Variants in LRRC4B observed in about 807,000 individuals in gnomAD.
LRRC4B encodes the protein leucine-rich repeat-containing protein 4B.
LRRC4B carries 1 observed loss-of-function variant against 7.3 expected under a neutral mutation model. The observed-to-expected ratio is 0.14, with a 90% CI of 0.05 to 0.65. The LOEUF is 0.65. LRRC4B is among the 30% of genes least tolerant of loss of function. The pLI, the probability that LRRC4B is intolerant of heterozygous loss-of-function variation, is 0.84. For missense variants in LRRC4B, 730 were observed against 1,041.6 expected (o/e 0.70, Z 4.12); for synonymous variants, 500 against 499.2 (o/e 1.00, Z -0.02).
intron 1 of LRRC4B, among the ~76,000 whole-genome samples, chr19:50,551,756 G>A (rs1325041232): frequency 6.6e-6 from 1 of 151,164 alleles, no homozygotes; most frequent in African/African-American, 2.4e-5. Context: ...CTGTCCGTCT[G>A]TCTTGGTCCC....
chr19:50,558,487 C>T (rs1568736804), intron 1 of LRRC4B, among the ~76,000 whole-genome samples: 1 of 152,326 alleles, frequency 6.6e-6, no homozygotes, highest in East Asian at 1.9e-4. Flanking sequence ...GCCTCAGCCT[C>T]CCAAAGTGCT....
chr19:50,517,713 G>A lies in LRRC4B; in HGVS notation c.2000C>T (p.Ala667Val). ...GCTGTAGTGCGCCTTGAAGGCGGCA[G>A]CCACGTAGTGGTGGTGGTTGAGGTG... ...RDHLNHHHYV[A>V]AAFKAHYSSN... Residue 667 changes from alanine to valine, a missense_variant, in exon 3 of 3, where the codon GCT (alanine) becomes GTT (valine). Physicochemically the swap from Ala to Val is moderately conservative, Grantham distance 64. Around this residue, in one of 6 missense-constraint regions of LRRC4B, gnomAD observed 160 missense variants for 163.9 expected, o/e 0.98. Coordinates refer to ENST00000652263, the MANE Select transcript of LRRC4B (RefSeq NM_001080457.2). This position sits in a 1 kb window ranked among gnomAD's most constrained non-coding sequence, Gnocchi z 6.6. 2 of 1,553,786 alleles carry A rather than the reference G, an allele frequency of 1.3e-6. No individual in the cohort carries two copies. Among genetic ancestry groups the A allele is most frequent in the Non-Finnish European group, 8.7e-7 (1 of 1,151,800 alleles).
chr19:50,528,182 A>G (rs1390760303), intron 2 of LRRC4B, among the ~76,000 whole-genome samples: 1 of 152,112 alleles, frequency 6.6e-6, no homozygotes, highest in Non-Finnish European at 1.5e-5. Flanking sequence ...AGCTGGGACT[A>G]AAGGCACACA....
At chr19:50,541,782 T>C (rs997568906) in intron 2 of LRRC4B, among the ~76,000 whole-genome samples, 2 of 152,172 alleles carry the variant, frequency 1.3e-5, no homozygotes, top group Admixed American at 1.3e-4. Context: ...CCTCTGGGTA[T>C]ATATTCCACA....
intron 1 of LRRC4B, among the ~76,000 whole-genome samples, chr19:50,560,317 G>A (rs567243306): frequency 2.2e-4 from 33 of 152,078 alleles, no homozygotes; most frequent in South Asian, 1.0e-3. Flanking sequence ...TCTCCTCTCC[G>A]GAGCTCTGTA....
intron 2 of LRRC4B, among the ~76,000 whole-genome samples, chr19:50,541,115 C>T (rs1369916487): frequency 1.3e-5 from 2 of 151,110 alleles, no homozygotes; most frequent in Admixed American, 1.3e-4. Context: ...ACCCGGGAGG[C>T]GGAGCTTGCA....
intron 2 of LRRC4B, among the ~76,000 whole-genome samples, chr19:50,538,599 T>TGCTCTGCC (rs1981402552): frequency 7.2e-6 from 1 of 139,202 alleles, no homozygotes; most frequent in African/African-American, 2.7e-5. Flanking sequence ...GACAGAGTCT[T>TGCTCTGCC]GCTCTGCCAC....
chr19:50,528,676 T>C (rs1307918554), intron 2 of LRRC4B, among the ~76,000 whole-genome samples: 3 of 152,178 alleles, frequency 2.0e-5, no homozygotes, highest in Non-Finnish European at 4.4e-5. Context: ...CTGCCTTGTC[T>C]AACTTCCCAG....
intron 2 of LRRC4B, among the ~76,000 whole-genome samples, chr19:50,528,644 C>T (rs375367129): frequency 5.6e-4 from 85 of 152,280 alleles, no homozygotes; most frequent in Admixed American, 7.8e-4. Context: ...TGCGCCCGGC[C>T]GATTTTTTTC....
chr19:50,542,267 T>C (rs1981582826), intron 2 of LRRC4B, among the ~76,000 whole-genome samples: 1 of 151,982 alleles, frequency 6.6e-6, no homozygotes, highest in Non-Finnish European at 1.5e-5. Context: ...GCCGAGGTGG[T>C]GCACCTTCCC....
At chr19:50,541,688 C>T (rs529401635) in intron 2 of LRRC4B, among the ~76,000 whole-genome samples, 1 of 152,334 alleles carries the variant, frequency 6.6e-6, no homozygotes, top group Non-Finnish European at 1.5e-5. Context: ...AGGAGGGACC[C>T]AGAGCCGCCC....
At chr19:50,551,338 C>T (rs925895814) in intron 1 of LRRC4B, among the ~76,000 whole-genome samples, 6 of 151,296 alleles carry the variant, frequency 4.0e-5, no homozygotes, top group South Asian at 2.1e-4. Flanking sequence ...TCTTGGGTCT[C>T]CCCGCGCCCC....
chr19:50,559,361 G>C (rs1982391071), intron 1 of LRRC4B, among the ~76,000 whole-genome samples: 1 of 152,208 alleles, frequency 6.6e-6, no homozygotes, highest in African/African-American at 2.4e-5. Flanking sequence ...TTGAACCGAG[G>C]AGGCAGAGGT....
intron 1 of LRRC4B, among the ~76,000 whole-genome samples, chr19:50,558,565 CT>C (rs1982359262): frequency 6.6e-6 from 1 of 152,234 alleles, no homozygotes; most frequent in African/African-American, 2.4e-5. Context: ...GTCAAACAGA[CT>C]CTCTGCAATG....
intron 1 of LRRC4B, among the ~76,000 whole-genome samples, chr19:50,566,373 C>A (rs1479756688): frequency 7.5e-6 from 1 of 133,470 alleles, no homozygotes; most frequent in African/African-American, 2.7e-5. Flanking sequence ...GAGAGGGGGG[C>A]GGGGAGGGGG....
intron 2 of LRRC4B, among the ~76,000 whole-genome samples, chr19:50,536,609 A>C (rs1981299627): frequency 6.6e-6 from 1 of 152,228 alleles, no homozygotes; most frequent in Non-Finnish European, 1.5e-5. Flanking sequence ...GTTCAGACAC[A>C]GGAGGGACAG....
rs767195915 is a variant in LRRC4B, at chr19:50,517,795, TGGCCACGGC to T, written c.1909_1917del (p.Ala637_Ala639del). ...CTGTCCCCGCCCACACCACCCCCAC[TGGCCACGGC>T]GGCCGCGGCGGCCACGGACACGGCC... On this transcript the variant is annotated inframe_deletion, in exon 3 of 3. Coordinates refer to ENST00000652263, the MANE Select transcript of LRRC4B (RefSeq NM_001080457.2). This position sits in a 1 kb window ranked among gnomAD's most constrained non-coding sequence, Gnocchi z 6.6. 3.7e-4 allele frequency: 564 copies of T among 1,533,188 alleles called. 1 individual carries two copies. The highest frequency in any genetic ancestry group is 5.7e-4 in the Admixed American group (26 of 45,898). The allele number at this position is 1,533,188 out of a possible 1,614,324, so 95.0% of individuals were successfully genotyped here.
At position 50,548,356 on chromosome 19, in the gene LRRC4B, C is replaced by T. The variant is rs373765124; in HGVS notation, c.297+186G>A. 3.9e-5 allele frequency among the ~76,000 whole-genome samples: 6 copies of T among 152,232 alleles called. No homozygotes were observed. The highest frequency in any genetic ancestry group is 1.2e-4 in the African/African-American group (5 of 41,458). ...CAGGGAGCACTGTGCTCTCAAAGCC[C>T]GGAGGGCCTCCACTCCACCTCGGGA... On this transcript the variant is annotated intron_variant, in intron 2 of 2. Coordinates refer to ENST00000652263, the MANE Select transcript of LRRC4B (RefSeq NM_001080457.2). The surrounding 1 kb of genome is among the most constrained non-coding windows in gnomAD (Gnocchi z 6.8).
At chr19:50,560,869 G>A (rs575712944) in intron 1 of LRRC4B, among the ~76,000 whole-genome samples, 10 of 152,154 alleles carry the variant, frequency 6.6e-5, no homozygotes, top group Admixed American at 3.3e-4. Context: ...CGGGCGGATC[G>A]CTTGAGGTCA....
Sources: allele counts gnomAD v4.1 joint callset (sites outside exome capture counted in the v4.1 genomes callset), GRCh38; gene constraint gnomAD v4.1.1; regional missense constraint gnomAD v4.1.1; non-coding constraint Gnocchi (gnomAD v3.1); transcripts MANE v1.5; gene names NCBI Gene and HGNC (gene_info 2026-07-23, HGNC 2026-07-21).